The following PCDHA2 variants were observed in gnomAD, a reference collection of about 807,000 sequenced individuals.
PCDHA2 encodes protocadherin alpha 2.
PCDHA2 carries 58 observed loss-of-function variants against 66.0 expected under a neutral mutation model. That is an observed-to-expected ratio of 0.88 (90% CI 0.71 to 1.09). PCDHA2 has a LOEUF of 1.09. Among genes scored for constraint, PCDHA2 ranks in the 50% least tolerant of loss-of-function variants. The pLI, the probability that PCDHA2 is intolerant of heterozygous loss-of-function variation, is 0.00. For missense variants in PCDHA2, 1,267 were observed against 1,242.3 expected (o/e 1.02, Z -0.30); for synonymous variants, 634 against 554.0 (o/e 1.14, Z -2.03).
intron 1 of PCDHA2, chr5:140,851,357 G>A: frequency 2.1e-6 from 2 of 974,974 alleles, no homozygotes; most frequent in Non-Finnish European, 2.5e-6. Flanking sequence ...GATGGAGACT[G>A]TGAACATCTG....
intron 3 of PCDHA2, among the ~76,000 whole-genome samples, chr5:140,986,316 C>T (rs1407067646): frequency 2.0e-5 from 3 of 152,146 alleles, no homozygotes; most frequent in African/African-American, 7.2e-5. Context: ...TTAGCTAAAT[C>T]AGGAATGCAG....
chr5:140,933,645 G>A lies in PCDHA2; in HGVS notation c.2389-45304G>A, dbSNP rs1014286392. Among the ~76,000 whole-genome samples the A allele has an allele frequency of 3.3e-5, 5 of 151,892 alleles. No individual in the cohort carries two copies. The South Asian group carries it at 8.3e-4, about 25-fold the overall frequency. On this transcript the variant is annotated intron_variant, in intron 1 of 3. Transcript: ENST00000526136. ...TAGGCTGGCCCTGTTAAACAAGTTG[G>A]AAATCCTGTCTCTCTCTCTGTCTCT...
At chr5:140,804,973 T>C (rs547495215) in intron 1 of PCDHA2, 4 of 1,486,108 alleles carry the variant, frequency 2.7e-6, no homozygotes, top group East Asian at 5.0e-5. Context: ...CCATAGTGTG[T>C]CCATCTCAGG....
intron 1 of PCDHA2, chr5:140,842,659 C>T: frequency 6.9e-6 from 11 of 1,595,302 alleles, no homozygotes; most frequent in African/African-American, 1.3e-5. Context: ...TGGAGGTGGC[C>T]GACGTGAACG....
chr5:140,834,637 T>C lies in PCDHA2; in HGVS notation c.2388+37285T>C, dbSNP rs2150223178. 78 of 1,614,168 alleles carry C rather than the reference T, an allele frequency of 4.8e-5. No individual in the cohort carries two copies. The highest frequency in any genetic ancestry group is 1.7e-4 in the Middle Eastern group (1 of 6,058). ...GTAAATCTGCAGAATGGCATTTTGTTTGTGAATTCTCGGATCGACCGCGAG... is the reference window on the plus strand; with the variant it reads ...GTAAATCTGCAGAATGGCATTTTGTCTGTGAATTCTCGGATCGACCGCGAG... On this transcript the variant is annotated intron_variant, in intron 1 of 3. Transcript: ENST00000526136.
intron 3 of PCDHA2, among the ~76,000 whole-genome samples, chr5:141,009,296 T>A (rs889577032): frequency 3.3e-4 from 50 of 152,004 alleles, no homozygotes; most frequent in Non-Finnish European, 5.3e-4. Context: ...TTCTATAAAA[T>A]TTTTTTTAAA....
At chr5:140,824,610 G>GTTTTTTTTTTTTTTTTTTTTT (rs782443702) in intron 1 of PCDHA2, 4 of 95,110 alleles carry the variant, frequency 4.2e-5, no homozygotes, top group South Asian at 3.6e-4. Context: ...GCTAATTAAA[G>GTTTTTTTTTTTTTTTTTTTTT]TTTTTTTTTT....
At position 140,841,776 on chromosome 5, in the gene PCDHA2, T is replaced by G. The variant is rs2150322536; in HGVS notation, c.2388+44424T>G. 1 of 1,613,906 alleles carries G rather than the reference T, an allele frequency of 6.2e-7. No homozygotes were observed. The highest frequency in any genetic ancestry group is 1.1e-5 in the South Asian group (1 of 91,076). On this transcript the variant is annotated intron_variant, in intron 1 of 3. Coordinates refer to ENST00000526136, the MANE Select transcript of PCDHA2 (RefSeq NM_018905.3). ...GAATCCAGAATGCCAGACTCTCGGTTTCCGCTAGAGGGCGCGTCCGATGCA... is the reference window on the plus strand; with the variant it reads ...GAATCCAGAATGCCAGACTCTCGGTGTCCGCTAGAGGGCGCGTCCGATGCA...
rs1322777523 is a variant in PCDHA2 at position 140,961,683 on chromosome 5, A to G, written c.2389-17266A>G. Among the ~76,000 whole-genome samples, 6 of 152,224 alleles carry G rather than the reference A, an allele frequency of 3.9e-5. No homozygotes were observed. The East Asian group carries it at 1.2e-3, about 29-fold the overall frequency. ...AGTTACCAGTTTTTAATTAAGCCGGAGTAGTCCTTAGTATGAATGCCTTCA... is the reference window on the plus strand; with the variant it reads ...AGTTACCAGTTTTTAATTAAGCCGGGGTAGTCCTTAGTATGAATGCCTTCA... On this transcript the variant is annotated intron_variant, in intron 1 of 3. Transcript: ENST00000526136.
intron 1 of PCDHA2, chr5:140,828,033 C>T (rs1769495169): frequency 2.0e-6 from 3 of 1,525,942 alleles, no homozygotes; most frequent in South Asian, 2.6e-5. Flanking sequence ...CCGGAACATA[C>T]AGTATTTTAT....
intron 1 of PCDHA2, chr5:140,821,958 C>A: frequency 6.2e-7 from 1 of 1,614,156 alleles, no homozygotes; most frequent in Non-Finnish European, 8.5e-7. Context: ...TGGTGCCGCG[C>A]CTGTTCCGGG....
chr5:140,826,024 G>C (rs1338983060), intron 1 of PCDHA2, among the ~76,000 whole-genome samples: 1 of 152,162 alleles, frequency 6.6e-6, no homozygotes, highest in Non-Finnish European at 1.5e-5. Context: ...GATAAAATGT[G>C]AATTCCCTAT....
Position 140,796,081 on chromosome 5 carries a change from A to T in PCDHA2, c.1117A>T (p.Thr373Ser), listed in dbSNP as rs782725155. 5.0e-6 allele frequency: 8 copies of T among 1,614,152 alleles called. No homozygotes were observed. In the South Asian group the frequency reaches 7.7e-5, roughly 16 times the overall value. ...ASLGTVIALI[T>S]VSDRDSGTNG... ...CCTGGGCACTGTCATTGCTCTCATC[A>T]CGGTGTCGGATCGCGACTCTGGTAC... The change falls in exon 1 of 4, where the codon ACG becomes TCG. Residue 373 changes from threonine (T) to serine (S), a missense_variant. Transcript: ENST00000526136.
At chr5:140,877,487 A>G in intron 1 of PCDHA2, 1 of 1,613,822 alleles carries the variant, frequency 6.2e-7, no homozygotes, top group Non-Finnish European at 8.5e-7. Context: ...CTGGTGGAGA[A>G]CGGCCAGGCC....
intron 1 of PCDHA2, among the ~76,000 whole-genome samples, chr5:140,909,449 A>G (rs1301796561): frequency 1.3e-5 from 2 of 152,218 alleles, no homozygotes; most frequent in African/African-American, 4.8e-5. Flanking sequence ...GTCATTCTCC[A>G]AGATCCATCT....
chr5:140,891,234 G>A (rs1477518444), intron 1 of PCDHA2, among the ~76,000 whole-genome samples: 2 of 151,932 alleles, frequency 1.3e-5, no homozygotes, highest in Non-Finnish European at 2.9e-5. Context: ...ATCCTGTTCT[G>A]GATTCAGTAG....
At chr5:140,925,671 A>AATAATAATG (rs1445697337) in intron 1 of PCDHA2, among the ~76,000 whole-genome samples, 20 of 148,150 alleles carry the variant, frequency 1.3e-4, no homozygotes, top group African/African-American at 5.0e-4. Context: ...TAATAATAAT[A>AATAATAATG]ATAATAAAGC....
intron 1 of PCDHA2, among the ~76,000 whole-genome samples, chr5:140,899,276 A>G (rs1402457704): frequency 2.8e-4 from 42 of 152,318 alleles, no homozygotes; most frequent in African/African-American, 9.4e-4. Flanking sequence ...GGCAGTTTTC[A>G]AAGGGAATAC....
chr5:140,841,522 G>C (rs2150317350), intron 1 of PCDHA2: 13 of 1,613,482 alleles, frequency 8.1e-6, no homozygotes, highest in Non-Finnish European at 1.1e-5. Context: ...TCCGGGTGGC[G>C]TCCAAAAGAC....
Sources: gnomAD v4.1 joint callset for allele counts (sites outside exome capture counted in the v4.1 genomes callset) on GRCh38, gnomAD v4.1.1 for gene constraint, MANE v1.5 for transcripts, NCBI Gene and HGNC (gene_info 2026-07-23, HGNC 2026-07-21) for gene names.